The following TRPC7 variants were observed in gnomAD, a reference collection of about 807,000 sequenced individuals.
TRPC7 encodes the protein short transient receptor potential channel 7.
In TRPC7, 42 loss-of-function variants were observed where a neutral mutation model predicts 90.1. That is an observed-to-expected ratio of 0.47 (90% CI 0.36 to 0.60). The LOEUF is 0.60. TRPC7 is among the 20% of genes least tolerant of loss of function. The pLI, the probability that TRPC7 is intolerant of heterozygous loss-of-function variation, is 0.00. For synonymous variants in TRPC7, 451 were observed against 436.3 expected (o/e 1.03, Z -0.42); for missense variants, 955 against 1,112.3 (o/e 0.86, Z 2.01).
chr5:136,325,913 C>T (rs1010697106), intron 2 of TRPC7, among the ~76,000 whole-genome samples: 6 of 152,242 alleles, frequency 3.9e-5, no homozygotes, highest in African/African-American at 1.4e-4. Context: ...GCTACTCTCC[C>T]TACAACCCTC....
intron 6 of TRPC7, among the ~76,000 whole-genome samples, chr5:136,250,636 TTAAG>T (rs1256561143): frequency 2.0e-5 from 3 of 152,198 alleles, no homozygotes; most frequent in African/African-American, 2.4e-5. Context: ...GCTGCTACCA[TTAAG>T]TGAGCATTTA....
chr5:136,347,112 T>A (rs1760031437), intron 2 of TRPC7, among the ~76,000 whole-genome samples: 2 of 152,126 alleles, frequency 1.3e-5, no homozygotes, highest in African/African-American at 4.8e-5. Context: ...CAAGGACAGA[T>A]CCTCTCCTAG....
intron 8 of TRPC7, among the ~76,000 whole-genome samples, chr5:136,229,884 C>T (rs577790474): frequency 2.1e-4 from 32 of 152,356 alleles, no homozygotes; most frequent in African/African-American, 7.0e-4. Flanking sequence ...CCCCAGAGGA[C>T]GCCCGGTCAA....
chr5:136,278,399 T>C (rs1485165566), intron 3 of TRPC7, among the ~76,000 whole-genome samples: 1 of 152,236 alleles, frequency 6.6e-6, no homozygotes, highest in African/African-American at 2.4e-5. Context: ...TCATTGCCCC[T>C]GTGAGGTGGC....
intron 2 of TRPC7, among the ~76,000 whole-genome samples, chr5:136,335,533 T>G (rs760705859): frequency 1.3e-5 from 2 of 151,942 alleles, no homozygotes; most frequent in Non-Finnish European, 2.9e-5. Flanking sequence ...GTGTGTAGAC[T>G]TTTGCAGTGG....
chr5:136,242,574 AG>A (rs1756206098), intron 7 of TRPC7, among the ~76,000 whole-genome samples: 1 of 152,248 alleles, frequency 6.6e-6, no homozygotes, highest in African/African-American at 2.4e-5. Flanking sequence ...TTGCCTGCAT[AG>A]AGCCTGAAAT....
chr5:136,215,006 C>G (rs1755217975), intron 11 of TRPC7, among the ~76,000 whole-genome samples: 1 of 152,016 alleles, frequency 6.6e-6, no homozygotes, highest in Non-Finnish European at 1.5e-5. Flanking sequence ...TATCAGAGAC[C>G]CTTGGTGCAG....
At chr5:136,299,923 C>T (rs186130997) in intron 3 of TRPC7, among the ~76,000 whole-genome samples, 166 of 152,264 alleles carry the variant, frequency 1.1e-3, no homozygotes, top group African/African-American at 3.8e-3. Flanking sequence ...TTCCTATTAA[C>T]CCCCAAATCA....
At chr5:136,338,342 C>T (rs1759732443) in intron 2 of TRPC7, among the ~76,000 whole-genome samples, 2 of 152,034 alleles carry the variant, frequency 1.3e-5, no homozygotes, top group Non-Finnish European at 2.9e-5. Flanking sequence ...ATAATTTTAT[C>T]TATTTTTTTC....
intron 1 of TRPC7, among the ~76,000 whole-genome samples, chr5:136,358,270 G>C (rs1422825460): frequency 1.3e-5 from 2 of 152,188 alleles, no homozygotes; most frequent in Non-Finnish European, 1.5e-5. Context: ...CTTATATGCT[G>C]GGTCCCCTTC....
chr5:136,278,810 TG>T (rs1757453798), intron 3 of TRPC7, among the ~76,000 whole-genome samples: 2 of 152,182 alleles, frequency 1.3e-5, no homozygotes, highest in African/African-American at 4.8e-5. Context: ...TCCCATTTTT[TG>T]ACCACCTGAG....
chr5:136,245,828 A>G (rs1343908937), intron 7 of TRPC7, among the ~76,000 whole-genome samples: 1 of 152,226 alleles, frequency 6.6e-6, no homozygotes, highest in Non-Finnish European at 1.5e-5. Flanking sequence ...GTATTTGTGA[A>G]TAAGGTGGGA....
chr5:136,266,897 A>T (rs1757051599), intron 4 of TRPC7, among the ~76,000 whole-genome samples: 1 of 152,148 alleles, frequency 6.6e-6, no homozygotes, highest in Non-Finnish European at 1.5e-5. Context: ...TACATTTCTC[A>T]CTAGGTACTG....
At position 136,292,578 on chromosome 5, in the gene TRPC7, C is replaced by T. The variant is rs574133776; in HGVS notation, c.964-17741G>A. Among the ~76,000 whole-genome samples, 9 of 152,302 alleles carry T rather than the reference C, an allele frequency of 5.9e-5. No homozygotes were observed. The East Asian group carries it at 1.5e-3, about 26-fold the overall frequency. ...ATAAATTCCTTGACACATACACCCT[C>T]CCAAGACTAAACCAGGAAGAAGCTG... On this transcript the variant is annotated intron_variant, in intron 3 of 11. Coordinates refer to ENST00000513104, the MANE Select transcript of TRPC7 (RefSeq NM_020389.3).
intron 7 of TRPC7, among the ~76,000 whole-genome samples, chr5:136,241,494 TTC>T (rs1438585954): frequency 6.6e-6 from 1 of 152,136 alleles, no homozygotes; most frequent in Non-Finnish European, 1.5e-5. Flanking sequence ...GCCCCTCCTA[TTC>T]TCTGTGTAGC....
intron 3 of TRPC7, among the ~76,000 whole-genome samples, chr5:136,291,190 C>A (rs1757933494): frequency 6.6e-6 from 1 of 152,134 alleles, no homozygotes; most frequent in Non-Finnish European, 1.5e-5. Flanking sequence ...CAAAAACATG[C>A]CAAATTGTAA....
chr5:136,281,049 A>T (rs1757534229), intron 3 of TRPC7, among the ~76,000 whole-genome samples: 1 of 152,210 alleles, frequency 6.6e-6, no homozygotes, highest in Non-Finnish European at 1.5e-5. Flanking sequence ...CTCAAGGTAG[A>T]TTTAAAATCA....
chr5:136,259,910 T>A (rs1207398537), intron 5 of TRPC7, among the ~76,000 whole-genome samples: 1 of 152,266 alleles, frequency 6.6e-6, no homozygotes, highest in African/African-American at 2.4e-5. Flanking sequence ...TGGCTCTGTC[T>A]ACTTAGTCTC....
At position 136,266,203 on chromosome 5, in the gene TRPC7, TAG is replaced by T; in HGVS notation, c.1345+15_1345+16del. Reference sequence around the variant, plus strand: ...ATAATTAGCAAGGAGAGAATAAAAATAGAGTGACTTGCTTACCTAAGACCCAC... The same window carrying T: ...ATAATTAGCAAGGAGAGAATAAAAATAGTGACTTGCTTACCTAAGACCCAC... On this transcript the variant is annotated intron_variant, in intron 5 of 11. Coordinates refer to ENST00000513104, the MANE Select transcript of TRPC7 (RefSeq NM_020389.3). 6.2e-7 allele frequency: 1 copy of T among 1,600,872 alleles called. No individual in the cohort carries two copies. Among genetic ancestry groups the T allele is most frequent in the South Asian group, 1.1e-5 (1 of 90,804 alleles).
Sources: allele counts gnomAD v4.1 joint callset (sites outside exome capture counted in the v4.1 genomes callset), GRCh38; gene constraint gnomAD v4.1.1; transcripts MANE v1.5; gene names NCBI Gene and HGNC (gene_info 2026-07-23, HGNC 2026-07-21).